RALYL: variants seen among roughly 807,000 people sequenced by gnomAD.
RALYL encodes the protein RALY RNA binding protein like, also known as RNA-binding Raly-like protein.
In RALYL, 29 loss-of-function variants were observed where a neutral mutation model predicts 35.1. That is an observed-to-expected ratio of 0.83 (90% CI 0.61 to 1.13). The LOEUF is 1.13. Among genes scored for constraint, RALYL ranks in the 50% most tolerant of loss-of-function variants. The pLI is 0.00. For synonymous variants in RALYL, 120 were observed against 127.6 expected (o/e 0.94, Z 0.40); for missense variants, 359 against 360.4 (o/e 1.00, Z 0.03).
chr8:84,272,018 T>A (rs1834397723), intron 1 of RALYL, among the ~76,000 whole-genome samples: 1 of 152,304 alleles, frequency 6.6e-6, no homozygotes, highest in Admixed American at 6.5e-5. Flanking sequence ...GCTACCACCA[T>A]AATGAGATTC....
intron 2 of RALYL, among the ~76,000 whole-genome samples, chr8:84,735,489 C>T (rs1250364226): frequency 6.6e-6 from 1 of 151,962 alleles, no homozygotes; most frequent in Non-Finnish European, 1.5e-5. Flanking sequence ...TCCACCCCAG[C>T]AGCAGAGTTT....
intron 4 of RALYL, among the ~76,000 whole-genome samples, chr8:84,817,887 A>G (rs1052541934): frequency 6.6e-6 from 1 of 152,342 alleles, no homozygotes; most frequent in Admixed American, 6.5e-5. Context: ...TATGAATGTG[A>G]TAATACTTAG....
intron 1 of RALYL, among the ~76,000 whole-genome samples, chr8:84,199,493 A>C (rs1246242507): frequency 6.6e-6 from 1 of 152,066 alleles, no homozygotes; most frequent in Non-Finnish European, 1.5e-5. Context: ...GAAGCTTTTT[A>C]ACTTGATGTG....
At chr8:84,379,483 T>G (rs915585065) in intron 1 of RALYL, among the ~76,000 whole-genome samples, 2 of 151,902 alleles carry the variant, frequency 1.3e-5, no homozygotes, top group African/African-American at 4.8e-5. Context: ...CTTGGAGATA[T>G]TTTTGATATC....
intron 8 of RALYL, among the ~76,000 whole-genome samples, chr8:84,903,053 T>G (rs1030486208): frequency 2.0e-5 from 3 of 152,146 alleles, no homozygotes; most frequent in Non-Finnish European, 2.9e-5. Flanking sequence ...ACTCTTATTT[T>G]TTTTAACGAC....
intron 2 of RALYL, among the ~76,000 whole-genome samples, chr8:84,697,707 A>G (rs1839415543): frequency 6.6e-6 from 1 of 151,990 alleles, no homozygotes; most frequent in African/African-American, 2.4e-5. Context: ...CCTAGTACCT[A>G]TTAGTTATTT....
At chr8:84,376,831 A>G (rs968271863) in intron 1 of RALYL, among the ~76,000 whole-genome samples, 1 of 151,812 alleles carries the variant, frequency 6.6e-6, no homozygotes, top group Non-Finnish European at 1.5e-5. Context: ...CTGCAGTTCC[A>G]CATCATTCAC....
chr8:84,746,915 A>G (rs1808736321), intron 2 of RALYL, among the ~76,000 whole-genome samples: 1 of 151,964 alleles, frequency 6.6e-6, no homozygotes, highest in African/African-American at 2.4e-5. Context: ...AATTTATTAA[A>G]GTTATACATT....
In RALYL at chr8:84,184,664, C is replaced by G. The variant is rs544842694; in HGVS notation, c.-24+240C>G. Among the ~76,000 whole-genome samples the G allele has an allele frequency of 1.5e-3, 235 of 152,172 alleles. 2 individuals carry two copies. Among genetic ancestry groups the G allele is most frequent in the Non-Finnish European group, 5.6e-4 (38 of 67,964 alleles). On this transcript the variant is annotated intron_variant, in intron 1 of 8. Transcript: ENST00000521268. The stretch of plus-strand genomic sequence containing the variant: ...ATACAGTCCCCTCCCCCCACCCCTC[C>G]CACGGTGAGCTGCGCCCAGGTCGTC...
At chr8:84,424,526 G>A (rs184362636) in intron 1 of RALYL, among the ~76,000 whole-genome samples, 6,865 of 149,768 alleles carry the variant, frequency 0.046, 411 homozygotes, top group African/African-American at 0.13. Context: ...TAATTCGATC[G>A]TCTGAAGCCT....
chr8:84,790,635 C>G lies in RALYL; in HGVS notation c.333-14135C>G, dbSNP rs558436350. ...GTTAATGCTACAAGAAAATCTTTAG[C>G]TGAATTAAATGTAAAAGAATTTAAT... On this transcript the variant is annotated intron_variant, in intron 3 of 8. Transcript: ENST00000521268. 2.6e-5 allele frequency among the ~76,000 whole-genome samples: 4 copies of G among 152,222 alleles called. No homozygotes were observed. In the East Asian group the frequency reaches 7.7e-4, roughly 29 times the overall value.
At chr8:84,853,151 C>T (rs545901604) in intron 5 of RALYL, among the ~76,000 whole-genome samples, 1 of 152,124 alleles carries the variant, frequency 6.6e-6, no homozygotes, top group South Asian at 2.1e-4. Flanking sequence ...AATACCTAAC[C>T]TCCTGGGAAT....
chr8:84,832,649 A>T (rs1489130923), intron 4 of RALYL, among the ~76,000 whole-genome samples: 1 of 152,176 alleles, frequency 6.6e-6, no homozygotes, highest in East Asian at 1.9e-4. Context: ...GTAGGTGGAT[A>T]TCTAAATGTT....
intron 4 of RALYL, among the ~76,000 whole-genome samples, chr8:84,814,468 C>A (rs1826696173): frequency 6.6e-6 from 1 of 151,978 alleles, no homozygotes; most frequent in Non-Finnish European, 1.5e-5. Flanking sequence ...TAGTAATTGT[C>A]ATTTAAATTT....
At chr8:84,251,870 G>A (rs1004214768) in intron 1 of RALYL, among the ~76,000 whole-genome samples, 3 of 151,424 alleles carry the variant, frequency 2.0e-5, no homozygotes, top group Non-Finnish European at 4.4e-5. Flanking sequence ...TAATGATTGG[G>A]GGGAAGTTTT....
intron 1 of RALYL, among the ~76,000 whole-genome samples, chr8:84,463,119 G>A (rs1391576983): frequency 1.3e-5 from 2 of 151,838 alleles, no homozygotes; most frequent in African/African-American, 4.8e-5. Flanking sequence ...CTTTCTCATA[G>A]TTTAGCAGTT....
intron 1 of RALYL, among the ~76,000 whole-genome samples, chr8:84,395,685 A>T (rs2131866205): frequency 6.6e-6 from 1 of 151,784 alleles, no homozygotes; most frequent in Non-Finnish European, 1.5e-5. Context: ...TGTTCATGAT[A>T]TCCTTAGGTA....
intron 2 of RALYL, among the ~76,000 whole-genome samples, chr8:84,533,237 G>A (rs1284575271): frequency 6.6e-6 from 1 of 151,878 alleles, no homozygotes; most frequent in African/African-American, 2.4e-5. Context: ...TGTTAATATT[G>A]GAAATATTTA....
At chr8:84,421,852 C>A (rs1317490428) in intron 1 of RALYL, among the ~76,000 whole-genome samples, 180 of 146,770 alleles carry the variant, frequency 1.2e-3, no homozygotes, top group Admixed American at 0.011. Flanking sequence ...GATTACATTT[C>A]TTGATTTGCG....
Sources: allele counts gnomAD v4.1 joint callset (sites outside exome capture counted in the v4.1 genomes callset), GRCh38; gene constraint gnomAD v4.1.1; transcripts MANE v1.5; gene names NCBI Gene and HGNC (gene_info 2026-07-23, HGNC 2026-07-21).